The following GRAMD2A variants were observed in gnomAD, a reference collection of about 807,000 sequenced individuals.
The protein encoded by GRAMD2A is GRAM domain-containing protein 2A.
GRAMD2A carries 37 observed loss-of-function variants against 51.1 expected under a neutral mutation model. That is an observed-to-expected ratio of 0.72 (90% CI 0.56 to 0.95). The LOEUF (loss-of-function observed/expected upper bound fraction) is 0.95, where lower values mean the gene tolerates loss of function less well. Among genes scored for constraint, GRAMD2A ranks in the 40% least tolerant of loss-of-function variants. The pLI is 0.00. For missense variants in GRAMD2A, 414 were observed against 426.9 expected (o/e 0.97, Z 0.27); for synonymous variants, 136 against 157.1 (o/e 0.87, Z 1.01).
chr15:72,164,795 A>T (rs2081523318), intron 8 of GRAMD2A, among the ~76,000 whole-genome samples: 1 of 152,186 alleles, frequency 6.6e-6, no homozygotes, highest in South Asian at 2.1e-4. Flanking sequence ...ACAGGTGTGC[A>T]GCCCAACCTG....
chr15:72,162,039 A>G (rs1464120440), intron 11 of GRAMD2A, 27 bp from the exon 12 acceptor site: 5 of 1,613,918 alleles, frequency 3.1e-6, no homozygotes, highest in South Asian at 1.1e-5. Flanking sequence ...TGTCCACATC[A>G]GGGAAAGGGC....
chr15:72,167,630 C>T (rs35713471), intron 5 of GRAMD2A, 106 bp downstream of exon 5: 13 of 874,310 alleles, frequency 1.5e-5, no homozygotes, highest in South Asian at 6.9e-5. Flanking sequence ...GGGCTTCACC[C>T]GGGGCCCAGC....
intron 1 of GRAMD2A, among the ~76,000 whole-genome samples, chr15:72,195,152 TGA>T (rs1231962741): frequency 6.6e-6 from 1 of 152,190 alleles, no homozygotes; most frequent in East Asian, 1.9e-4. Context: ...TACTGTAGCA[TGA>T]GTGTAGACAA....
At position 72,165,402 on chromosome 15, in the gene GRAMD2A, G is replaced by A. The variant is rs764541892; in HGVS notation, c.552C>T (p.Ser184=). The A allele has an allele frequency of 6.2e-7, 1 of 1,614,034 alleles. No homozygotes were observed. Among genetic ancestry groups the A allele is most frequent in the Non-Finnish European group, 8.5e-7 (1 of 1,179,966 alleles). Reference sequence around the variant, plus strand: ...ATTCTCTTACACTCAGACTCTTCTTGCTGGAAGGCTGAGGAGGAAAGGGAA... The same window carrying A: ...ATTCTCTTACACTCAGACTCTTCTTACTGGAAGGCTGAGGAGGAAAGGGAA... ...RRVCTHLQPS[S]KKSLSVREFS... Residue 184 remains serine, a synonymous_variant, in exon 8 of 12, where the codon AGC becomes AGT. Coordinates refer to ENST00000309731, the MANE Select transcript of GRAMD2A (RefSeq NM_001012642.3).
In GRAMD2A at chr15:72,176,358, G is replaced by T. The variant is rs535024716; in HGVS notation, c.42-6419C>A. Among the ~76,000 whole-genome samples the T allele has an allele frequency of 4.6e-4, 70 of 152,340 alleles. 3 individuals carry two copies. In the South Asian group the frequency reaches 0.014, roughly 30 times the overall value. ...GCAGGGCCTTCCCCACAGCTGGGGT[G>T]GGGTGGTCCCCTTGGGCATCTCCTC... is the stretch of plus-strand genomic sequence containing the variant. On this transcript the variant is annotated intron_variant, in intron 1 of 11. Transcript: ENST00000309731.
intron 1 of GRAMD2A, chr15:72,176,569 T>A (rs2081654497): frequency 6.6e-6 from 1 of 152,342 alleles, no homozygotes; most frequent in South Asian, 2.1e-4. Context: ...CAAAAACACA[T>A]CATGGCAACA....
intron 1 of GRAMD2A, among the ~76,000 whole-genome samples, chr15:72,193,146 G>GATAA (rs762266809): frequency 1.6e-4 from 24 of 150,916 alleles, no homozygotes; most frequent in African/African-American, 4.1e-4. Flanking sequence ...TAAATAAATA[G>GATAA]ATAAATAAAT....
intron 1 of GRAMD2A, among the ~76,000 whole-genome samples, chr15:72,181,556 G>A (rs55908968): frequency 8.4e-4 from 128 of 152,354 alleles, no homozygotes; most frequent in African/African-American, 3.0e-3. Flanking sequence ...GGTGGCAGTG[G>A]TGATGGAGGG....
chr15:72,193,771 C>A (rs184270697), intron 1 of GRAMD2A, among the ~76,000 whole-genome samples: 10 of 152,256 alleles, frequency 6.6e-5, no homozygotes, highest in Admixed American at 5.2e-4. Flanking sequence ...CGTGATCCGC[C>A]CGCCTCAGCC....
chr15:72,196,432 C>G (rs1389385017), intron 1 of GRAMD2A, among the ~76,000 whole-genome samples: 1 of 151,934 alleles, frequency 6.6e-6, no homozygotes, highest in Non-Finnish European at 1.5e-5. Context: ...AGGAGGATCA[C>G]TTGAACCTGG....
Position 72,163,707 on chromosome 15 carries a change from C to T in GRAMD2A, c.651G>A (p.Arg217=), listed in dbSNP as rs199739598. 17 of 1,609,582 alleles carry T rather than the reference C, an allele frequency of 1.1e-5. No homozygotes were observed. The highest frequency in any genetic ancestry group is 1.4e-5 in the Non-Finnish European group (17 of 1,178,882). The change falls in exon 9 of 12, where the codon AGG becomes AGA. Residue 217 remains arginine (R), a synonymous_variant. Coordinates refer to ENST00000309731, the MANE Select transcript of GRAMD2A (RefSeq NM_001012642.3). The part of the protein sequence containing the change: ...MKWRKVCPSS[R]SLSLPDNIPC... Reference sequence around the variant, plus strand: ...GGATGTTGTCTGGGAGAGACAGGGACCTGGAGGAAGGGCATACCTTTCTCC... The same window carrying T: ...GGATGTTGTCTGGGAGAGACAGGGATCTGGAGGAAGGGCATACCTTTCTCC...
chr15:72,161,309 A>G lies in GRAMD2A; in HGVS notation c.*700T>C, dbSNP rs2081472717. 1 of 152,608 alleles carries G rather than the reference A, an allele frequency of 6.6e-6. No individual in the cohort carries two copies. The highest frequency in any genetic ancestry group is 2.4e-5 in the African/African-American group (1 of 41,468). The allele number at this position is 152,608 out of a possible 1,614,324, so 9.5% of individuals were successfully genotyped here. On this transcript the variant is annotated 3_prime_UTR_variant, in exon 12 of 12. Coordinates refer to ENST00000309731, the MANE Select transcript of GRAMD2A (RefSeq NM_001012642.3). Reference sequence around the variant, plus strand: ...TCAGGTACCTCTGTTCTTCACAGCCACTGCCACCATCTCCGCCGTGGGCAG... The same window carrying G: ...TCAGGTACCTCTGTTCTTCACAGCCGCTGCCACCATCTCCGCCGTGGGCAG...
chr15:72,174,981 C>A (rs924136726), intron 1 of GRAMD2A, among the ~76,000 whole-genome samples: 36 of 152,244 alleles, frequency 2.4e-4, no homozygotes, highest in African/African-American at 6.3e-4. Flanking sequence ...AACCTTGACA[C>A]CCACACCCTC....
At chr15:72,176,653 T>G (rs2081655097) in intron 1 of GRAMD2A, 1 of 152,380 alleles carries the variant, frequency 6.6e-6, no homozygotes. Flanking sequence ...ACATCTGTCC[T>G]GGATAAAACT....
intron 10 of GRAMD2A, 96 bp downstream of exon 10, chr15:72,163,170 G>T: frequency 2.5e-6 from 2 of 810,596 alleles, no homozygotes; most frequent in Non-Finnish European, 2.0e-6. Flanking sequence ...ACTTCCCCCT[G>T]GTTCTGAATA....
rs2081550881 is a variant in GRAMD2A, at chr15:72,166,800, G to T, written c.472-97C>A. 8.9e-7 allele frequency: 1 copy of T among 1,127,264 alleles called. No individual in the cohort carries two copies. The highest frequency in any genetic ancestry group is 1.3e-6 in the Non-Finnish European group (1 of 748,964). The allele number at this position is 1,127,264 out of a possible 1,614,324, so 69.8% of individuals were successfully genotyped here. A position where few individuals can be genotyped will look rare whatever the true frequency, so the allele number is the denominator to read the frequency against. ...GTGGATTGGGCACAGGCCCACAGGG[G>T]TATCAGGCCATGAGAGCCAACAGAA... On this transcript the variant is annotated intron_variant, in intron 6 of 11. Transcript: ENST00000309731. This position sits in a 1 kb window ranked among gnomAD's most constrained non-coding sequence, Gnocchi z 4.1.
intron 1 of GRAMD2A, among the ~76,000 whole-genome samples, chr15:72,191,704 C>CT (rs1418461866): frequency 6.6e-6 from 1 of 152,118 alleles, no homozygotes; most frequent in Non-Finnish European, 1.5e-5. Context: ...CTGACCGAGA[C>CT]TGTAGGTCCA....
intron 10 of GRAMD2A, 85 bp downstream of exon 10, chr15:72,163,181 G>T: frequency 1.1e-6 from 1 of 919,142 alleles, no homozygotes; most frequent in African/African-American, 1.6e-5. Flanking sequence ...GTTCTGAATA[G>T]TGAATTCCCC....
chr15:72,186,531 G>A (rs2081735477), intron 1 of GRAMD2A, among the ~76,000 whole-genome samples: 2 of 152,046 alleles, frequency 1.3e-5, no homozygotes, highest in South Asian at 4.1e-4. Flanking sequence ...CACTGTGTTA[G>A]CCAGGTTGGT....
Sources: allele counts gnomAD v4.1 joint callset (sites outside exome capture counted in the v4.1 genomes callset), GRCh38; gene constraint gnomAD v4.1.1; non-coding constraint Gnocchi (gnomAD v3.1); transcripts MANE v1.5; gene names NCBI Gene and HGNC (gene_info 2026-07-23, HGNC 2026-07-21).